Variants in PPFIA2 observed in about 807,000 individuals in gnomAD.
PPFIA2 encodes liprin-alpha-2.
Under a neutral mutation model 175.5 loss-of-function variants are expected in PPFIA2, and 46 were observed. The ratio of observed to expected loss-of-function variants is 0.26; its 90% CI spans 0.21 to 0.34. The LOEUF is 0.34. Ranked by LOEUF, PPFIA2 falls within the 10% of genes least tolerant of loss-of-function variation. The probability of loss-of-function intolerance (pLI) is 1.00; values close to 1 mark genes in which losing one functional copy is unlikely to be tolerated. For synonymous variants in PPFIA2, 568 were observed against 511.4 expected (o/e 1.11, Z -1.49); for missense variants, 1,179 against 1,506.1 (o/e 0.78, Z 3.60).
chr12:81,697,430 A>G (rs2076019255), intron 3 of PPFIA2, among the ~76,000 whole-genome samples: 1 of 152,032 alleles, frequency 6.6e-6, no homozygotes, highest in Non-Finnish European at 1.5e-5. Context: ...TATCTAATTA[A>G]TCTGAGGAAG....
chr12:81,267,911 C>T lies in PPFIA2; in HGVS notation c.3486+1G>A. ...TGAGACTACAGCAGAAAGTGACTTG[C>T]CTGGGTGTTCTGTGTTGGAATCTGT... is the stretch of plus-strand genomic sequence containing the variant. On this transcript the variant is annotated splice_donor_variant, in intron 29 of 32. Coordinates refer to ENST00000549396, the MANE Select transcript of PPFIA2 (RefSeq NM_003625.5). LOFTEE classifies it high-confidence loss of function. The T allele has an allele frequency of 1.3e-6, 2 of 1,586,852 alleles. No individual in the cohort carries two copies. Among genetic ancestry groups the T allele is most frequent in the East Asian group, 2.3e-5 (1 of 44,080 alleles).
At chr12:81,579,836 G>C (rs972582877) in intron 4 of PPFIA2, among the ~76,000 whole-genome samples, 1 of 151,704 alleles carries the variant, frequency 6.6e-6, no homozygotes. Flanking sequence ...TTTTGCATAG[G>C]CATCACCTCA....
At chr12:81,660,249 G>A (rs1424095498) in intron 4 of PPFIA2, among the ~76,000 whole-genome samples, 4 of 152,010 alleles carry the variant, frequency 2.6e-5, no homozygotes, top group South Asian at 2.1e-4. Context: ...CAAACTTCCC[G>A]AGGTAAAGGA....
intron 5 of PPFIA2, among the ~76,000 whole-genome samples, chr12:81,451,500 A>G (rs1041041520): frequency 2.6e-5 from 4 of 152,160 alleles, no homozygotes; most frequent in African/African-American, 9.7e-5. Context: ...AAGCTAAGAA[A>G]TGTGGTCCTA....
At chr12:81,303,646 C>T (rs1053443237) in intron 22 of PPFIA2, among the ~76,000 whole-genome samples, 1 of 152,014 alleles carries the variant, frequency 6.6e-6, no homozygotes, top group Non-Finnish European at 1.5e-5. Context: ...TTAGGAGGCC[C>T]AACATGTGGT....
intron 14 of PPFIA2, 123 bp downstream of exon 14, chr12:81,366,985 A>C (rs2033669390): frequency 1.8e-6 from 2 of 1,126,250 alleles, no homozygotes; most frequent in Non-Finnish European, 2.4e-6. Context: ...AAAAAGTTAA[A>C]ATTGTTTTAC....
At chr12:81,536,753 T>TA (rs1370255469) in intron 4 of PPFIA2, among the ~76,000 whole-genome samples, 2 of 145,836 alleles carry the variant, frequency 1.4e-5, no homozygotes, top group Non-Finnish European at 3.0e-5. Context: ...AACATATATA[T>TA]ATATATATAT....
chr12:81,725,801 A>C (rs2079999932), intron 3 of PPFIA2, among the ~76,000 whole-genome samples: 1 of 150,930 alleles, frequency 6.6e-6, no homozygotes, highest in Admixed American at 6.6e-5. Context: ...AGCATAAAGT[A>C]AAAAAGAAAA....
At chr12:81,548,065 G>A (rs2067265418) in intron 4 of PPFIA2, among the ~76,000 whole-genome samples, 1 of 152,158 alleles carries the variant, frequency 6.6e-6, no homozygotes, top group East Asian at 1.9e-4. Context: ...ATAATGGTAT[G>A]AGGTTATTGC....
intron 3 of PPFIA2, among the ~76,000 whole-genome samples, chr12:81,743,447 T>TAAAAAAAAAA (rs2082612650): frequency 1.8e-5 from 1 of 56,086 alleles, no homozygotes; most frequent in African/African-American, 4.8e-5. Context: ...AAAAAAAAAC[T>TAAAAAAAAAA]TTTGCTGTAA....
chr12:81,410,931 T>C (rs1044666022), intron 7 of PPFIA2, among the ~76,000 whole-genome samples: 15 of 152,086 alleles, frequency 9.9e-5, no homozygotes, highest in African/African-American at 3.6e-4. Flanking sequence ...CTGGTCCTGA[T>C]TCTAGGCATC....
intron 3 of PPFIA2, among the ~76,000 whole-genome samples, chr12:81,683,468 G>T (rs2073990838): frequency 6.6e-6 from 1 of 151,868 alleles, no homozygotes; most frequent in African/African-American, 2.4e-5. Context: ...AGATCACATT[G>T]CTGTCTTGAC....
At chr12:81,658,268 C>CAAAAAAAAAA (rs1318255722) in intron 4 of PPFIA2, among the ~76,000 whole-genome samples, 1 of 114,478 alleles carries the variant, frequency 8.7e-6, no homozygotes, top group Admixed American at 8.6e-5. Flanking sequence ...AACTCCATCT[C>CAAAAAAAAAA]AAAAAAAAAA....
At chr12:81,292,594 C>G in intron 24 of PPFIA2, 2 of 152,084 alleles carry the variant, frequency 1.3e-5, no homozygotes. Context: ...CTTTATTGTA[C>G]GAATGGAGCA....
chr12:81,390,947 T>C (rs1393783544), intron 8 of PPFIA2, among the ~76,000 whole-genome samples: 16 of 151,802 alleles, frequency 1.1e-4, no homozygotes, highest in Non-Finnish European at 2.2e-4. Flanking sequence ...GTGTCTCATA[T>C]GTTAAATTTT....
At chr12:81,435,712 A>G (rs963257384) in intron 7 of PPFIA2, among the ~76,000 whole-genome samples, 4 of 152,178 alleles carry the variant, frequency 2.6e-5, no homozygotes, top group Middle Eastern at 3.2e-3. Flanking sequence ...ATATGCATAT[A>G]TGCGTATGTA....
intron 4 of PPFIA2, among the ~76,000 whole-genome samples, chr12:81,508,377 C>T (rs1297928922): frequency 6.6e-6 from 1 of 151,636 alleles, no homozygotes; most frequent in East Asian, 1.9e-4. Flanking sequence ...CAAAATTAGC[C>T]TGGTATGGTG....
At chr12:81,605,134 G>T (rs1165290638) in intron 4 of PPFIA2, among the ~76,000 whole-genome samples, 3 of 151,904 alleles carry the variant, frequency 2.0e-5, no homozygotes, top group East Asian at 1.9e-4. Context: ...TTTGTTTTAA[G>T]AAATAGTTGT....
At chr12:81,532,903 C>G (rs2064802762) in intron 4 of PPFIA2, among the ~76,000 whole-genome samples, 1 of 151,744 alleles carries the variant, frequency 6.6e-6, no homozygotes, top group Non-Finnish European at 1.5e-5. Flanking sequence ...CAGTTTTTCA[C>G]TGATAGAATA....
Sources: allele counts gnomAD v4.1 joint callset (sites outside exome capture counted in the v4.1 genomes callset), GRCh38; gene constraint gnomAD v4.1.1; transcripts MANE v1.5; gene names NCBI Gene and HGNC (gene_info 2026-07-23, HGNC 2026-07-21).